RPH3A: variants seen among roughly 807,000 people sequenced by gnomAD.
RPH3A encodes rabphilin 3A.
RPH3A carries 48 observed loss-of-function variants against 102.2 expected under a neutral mutation model. That is an observed-to-expected ratio of 0.47 (90% CI 0.37 to 0.60). The LOEUF (loss-of-function observed/expected upper bound fraction) is 0.60. RPH3A is among the 20% of genes least tolerant of loss of function. RPH3A has a pLI of 0.00. For missense variants in RPH3A, 781 were observed against 910.1 expected (o/e 0.86, Z 1.83); for synonymous variants, 310 against 324.3 (o/e 0.96, Z 0.47).
intron 1 of RPH3A, among the ~76,000 whole-genome samples, chr12:112,724,052 ATTTTTTT>A (rs146271090): frequency 1.0e-4 from 12 of 117,314 alleles, no homozygotes; most frequent in Admixed American, 5.7e-4. Context: ...AATTTTTTTG[ATTTTTTT>A]TTTTTTTTTT....
intron 7 of RPH3A, chr12:112,868,092 G>A: frequency 4.4e-6 from 1 of 227,664 alleles, no homozygotes; most frequent in Non-Finnish European, 8.7e-6. Context: ...TGGAGAGCAT[G>A]CCACATTTAA....
intron 7 of RPH3A, 59 bp from the exon 8 acceptor site, chr12:112,868,371 A>G: frequency 6.4e-7 from 1 of 1,562,626 alleles, no homozygotes; most frequent in Non-Finnish European, 8.7e-7. Context: ...GGCACTCATG[A>G]AGGTAAGAGC....
chr12:112,849,977 C>A (rs1472832551), intron 5 of RPH3A, among the ~76,000 whole-genome samples: 6 of 152,148 alleles, frequency 3.9e-5, no homozygotes, highest in Non-Finnish European at 8.8e-5. Context: ...TGAGCAGATC[C>A]CAGCTTAAAT....
At chr12:112,575,975 CAGATGCACACAGGGCCAGAG>C (rs1435907393) in intron 1 of RPH3A, among the ~76,000 whole-genome samples, 1 of 152,214 alleles carries the variant, frequency 6.6e-6, no homozygotes, top group Non-Finnish European at 1.5e-5. Flanking sequence ...GTTGCAAACT[CAGATGCACACAGGGCCAGAG>C]GGATGCACAA....
chr12:112,592,367 G>C (rs1023611845), intron 1 of RPH3A, among the ~76,000 whole-genome samples: 9 of 152,176 alleles, frequency 5.9e-5, no homozygotes, highest in African/African-American at 2.2e-4. Context: ...CACCCAGGCT[G>C]GAGTGCAGTG....
intron 2 of RPH3A, among the ~76,000 whole-genome samples, chr12:112,822,534 C>T (rs2041799336): frequency 1.3e-5 from 2 of 152,174 alleles, no homozygotes; most frequent in African/African-American, 4.8e-5. Flanking sequence ...AGGGGAGAAG[C>T]AGGCAGAACC....
upstream of RPH3A, among the ~76,000 whole-genome samples, chr12:112,789,747 C>A (rs1212563286): frequency 6.6e-6 from 1 of 151,588 alleles, no homozygotes; most frequent in Non-Finnish European, 1.5e-5. Flanking sequence ...TCAATCAACA[C>A]CATCACTATA....
chr12:112,789,643 CTG>C (rs2041075659), upstream of RPH3A, among the ~76,000 whole-genome samples: 1 of 152,076 alleles, frequency 6.6e-6, no homozygotes, highest in African/African-American at 2.4e-5. Flanking sequence ...AGCAGAAGAG[CTG>C]GCACATAGTA....
intron 1 of RPH3A, among the ~76,000 whole-genome samples, chr12:112,640,325 CAAAAAAAAAAAAAAAAAAAAAAAAAA>C (rs1158230534): frequency 1.4e-4 from 2 of 14,062 alleles, no homozygotes; most frequent in African/African-American, 2.4e-4. Context: ...AACTCCATCT[CAAAAAAAAAAAAAAAAAAAAAAAAAA>C]AAAAAAAAAA....
At chr12:112,802,751 G>C (rs920742432) in intron 2 of RPH3A, among the ~76,000 whole-genome samples, 7 of 152,062 alleles carry the variant, frequency 4.6e-5, no homozygotes, top group African/African-American at 1.2e-4. Flanking sequence ...GAGTAGCCAT[G>C]CTGGCTCCTC....
intron 5 of RPH3A, among the ~76,000 whole-genome samples, chr12:112,858,115 A>T (rs948481020): frequency 6.6e-6 from 1 of 151,918 alleles, no homozygotes; most frequent in Non-Finnish European, 1.5e-5. Flanking sequence ...TCTATAAAAA[A>T]TAATAGCTGG....
At chr12:112,731,042 C>T (rs183492441) in intron 1 of RPH3A, among the ~76,000 whole-genome samples, 12 of 152,274 alleles carry the variant, frequency 7.9e-5, no homozygotes, top group South Asian at 4.1e-4. Context: ...AGAGCTGAGC[C>T]GTGTTCCAGA....
At chr12:112,849,520 G>A (rs1041290853) in intron 5 of RPH3A, among the ~76,000 whole-genome samples, 1 of 151,900 alleles carries the variant, frequency 6.6e-6, no homozygotes, top group African/African-American at 2.4e-5. Context: ...AAAGGTAAAC[G>A]GTGAAAGCAA....
At chr12:112,639,538 T>C (rs1216579918) in intron 1 of RPH3A, among the ~76,000 whole-genome samples, 2 of 152,070 alleles carry the variant, frequency 1.3e-5, no homozygotes, top group Non-Finnish European at 2.9e-5. Context: ...GAATAGCTAA[T>C]GGATCCTGGG....
intron 5 of RPH3A, among the ~76,000 whole-genome samples, chr12:112,858,266 C>CAAA (rs1164602599): frequency 8.3e-4 from 37 of 44,764 alleles, no homozygotes; most frequent in African/African-American, 1.5e-3. Flanking sequence ...GACCCTGTCT[C>CAAA]AAAAAAAAAA....
At chr12:112,607,908 C>T (rs551114476) in intron 1 of RPH3A, among the ~76,000 whole-genome samples, 4 of 152,250 alleles carry the variant, frequency 2.6e-5, no homozygotes, top group African/African-American at 9.6e-5. Flanking sequence ...GTCACTTTCC[C>T]GCTCTAAAAC....
chr12:112,881,728 G>C (rs2042917213), intron 14 of RPH3A, 44 bp from the exon 15 acceptor site: 1 of 1,455,508 alleles, frequency 6.9e-7, no homozygotes. Flanking sequence ...GCTGAGCACT[G>C]GGCCCTCCTG....
At chr12:112,582,923 T>C (rs1025030637) in intron 1 of RPH3A, among the ~76,000 whole-genome samples, 1 of 152,232 alleles carries the variant, frequency 6.6e-6, no homozygotes, top group African/African-American at 2.4e-5. Context: ...TTATTTTCCT[T>C]GAGTTTATGG....
chr12:112,663,058 T>TA (rs2040059557), intron 1 of RPH3A, among the ~76,000 whole-genome samples: 3 of 28,966 alleles, frequency 1.0e-4, no homozygotes, highest in Non-Finnish European at 1.7e-4. Flanking sequence ...GCTAAGTGAT[T>TA]GGTGTGTGTG....
Sources: allele counts gnomAD v4.1 joint callset (sites outside exome capture counted in the v4.1 genomes callset), GRCh38; gene constraint gnomAD v4.1.1; transcripts MANE v1.5; gene names NCBI Gene and HGNC (gene_info 2026-07-23, HGNC 2026-07-21).